The following APBB2 variants were observed in gnomAD, a reference collection of about 807,000 sequenced individuals.
The protein encoded by APBB2 is amyloid beta precursor protein binding family B member 2, also known as Fe65-like 1.
A neutral mutation model predicts 82.5 loss-of-function variants in APBB2; 38 were observed. The observed-to-expected ratio is 0.46, with a 90% CI of 0.36 to 0.60. The LOEUF (loss-of-function observed/expected upper bound fraction) is 0.60, where lower values mean the gene tolerates loss of function less well. Ranked by LOEUF, APBB2 falls within the 20% of genes least tolerant of loss-of-function variation. The pLI, the probability that APBB2 is intolerant of heterozygous loss-of-function variation, is 0.00. For synonymous variants in APBB2, 341 were observed against 368.2 expected (o/e 0.93, Z 0.85); for missense variants, 772 against 972.3 (o/e 0.79, Z 2.74).
chr4:41,144,023 A>T (rs1412856852), intron 1 of APBB2, among the ~76,000 whole-genome samples: 1 of 152,226 alleles, frequency 6.6e-6, no homozygotes, highest in Admixed American at 6.5e-5. Flanking sequence ...CAGAAAACTC[A>T]ATGAGGGAAT....
chr4:41,001,878 A>T (rs1449164053), intron 6 of APBB2, among the ~76,000 whole-genome samples: 1 of 121,794 alleles, frequency 8.2e-6, no homozygotes, highest in Non-Finnish European at 1.5e-5. Flanking sequence ...ACTCCGCCTC[A>T]AAAAAAAAAA....
intron 4 of APBB2, among the ~76,000 whole-genome samples, chr4:41,034,964 TACAAAAACA>T (rs1718575449): frequency 6.6e-6 from 1 of 152,194 alleles, no homozygotes; most frequent in African/African-American, 2.4e-5. Context: ...TTATATGAAT[TACAAAAACA>T]GGAAAAACAG....
intron 4 of APBB2, among the ~76,000 whole-genome samples, chr4:41,036,410 A>C (rs1719188640): frequency 6.6e-6 from 1 of 152,210 alleles, no homozygotes. Context: ...CATTCTGCTA[A>C]TGACTTTATA....
intron 3 of APBB2, among the ~76,000 whole-genome samples, chr4:41,079,028 G>A (rs574754432): frequency 5.9e-5 from 9 of 152,314 alleles, no homozygotes; most frequent in African/African-American, 1.9e-4. Flanking sequence ...AAATTACCAT[G>A]GGTGAGGGCA....
At chr4:40,903,888 T>C (rs569688267) in intron 10 of APBB2, among the ~76,000 whole-genome samples, 18 of 152,378 alleles carry the variant, frequency 1.2e-4, no homozygotes, top group African/African-American at 4.3e-4. Flanking sequence ...ATTCCTGCTA[T>C]ATGTGACTAT....
chr4:40,981,943 T>G (rs1158166562), intron 6 of APBB2, among the ~76,000 whole-genome samples: 1 of 151,840 alleles, frequency 6.6e-6, no homozygotes, highest in Non-Finnish European at 1.5e-5. Flanking sequence ...CCCAGCACTT[T>G]GGGAGGCCGA....
At chr4:40,952,319 C>T (rs567775570) in intron 6 of APBB2, among the ~76,000 whole-genome samples, 2 of 152,234 alleles carry the variant, frequency 1.3e-5, no homozygotes, top group African/African-American at 4.8e-5. Flanking sequence ...AGATTCTACC[C>T]CACCTGCCTT....
intron 10 of APBB2, among the ~76,000 whole-genome samples, chr4:40,901,543 G>GCT (rs61490646): frequency 0.038 from 5,852 of 152,004 alleles, 366 homozygotes; most frequent in African/African-American, 0.13. Context: ...ACTGAGTCTC[G>GCT]CTGTCTGCCA....
At chr4:40,906,484 A>AG (rs1560856748) in intron 10 of APBB2, among the ~76,000 whole-genome samples, 10 of 141,650 alleles carry the variant, frequency 7.1e-5, no homozygotes, top group South Asian at 2.3e-4. Flanking sequence ...AAAAAAAAAA[A>AG]AAAAGAAAAG....
chr4:41,163,700 A>G (rs951469941), intron 1 of APBB2, among the ~76,000 whole-genome samples: 1 of 152,202 alleles, frequency 6.6e-6, no homozygotes, highest in Non-Finnish European at 1.5e-5. Flanking sequence ...GGACCAATCC[A>G]CTTTCTTCAA....
chr4:41,119,630 T>C (rs1337317045), intron 2 of APBB2, among the ~76,000 whole-genome samples: 1 of 151,966 alleles, frequency 6.6e-6, no homozygotes, highest in African/African-American at 2.4e-5. Context: ...AGCGTCTGTC[T>C]GTACATTAAC....
intron 10 of APBB2, among the ~76,000 whole-genome samples, chr4:40,897,989 T>C (rs1032397500): frequency 1.3e-5 from 2 of 152,118 alleles, no homozygotes; most frequent in African/African-American, 4.8e-5. Flanking sequence ...CATTCTTCAA[T>C]AGTTCTTAAC....
chr4:40,874,670 A>G (rs1766405174), intron 12 of APBB2, among the ~76,000 whole-genome samples: 2 of 152,306 alleles, frequency 1.3e-5, no homozygotes, highest in African/African-American at 2.4e-5. Context: ...CCGTTAATGA[A>G]GCCAATAATA....
intron 14 of APBB2, 36 bp downstream of exon 14, chr4:40,827,096 G>A: frequency 1.3e-6 from 2 of 1,586,234 alleles, no homozygotes; most frequent in Non-Finnish European, 1.7e-6. Flanking sequence ...AGGAGGGACA[G>A]GGCCATAATG....
chr4:41,067,184 C>T (rs1031426642), intron 3 of APBB2, among the ~76,000 whole-genome samples: 3 of 152,136 alleles, frequency 2.0e-5, no homozygotes, highest in South Asian at 4.2e-4. Context: ...CCAAGGCAGG[C>T]GGATCACCTG....
intron 10 of APBB2, among the ~76,000 whole-genome samples, chr4:40,909,062 G>A (rs1355044018): frequency 6.6e-6 from 1 of 152,190 alleles, no homozygotes; most frequent in Non-Finnish European, 1.5e-5. Context: ...AGCCCAGTGT[G>A]GGGCTGAGGC....
At chr4:41,056,884 T>C (rs1728029728) in intron 4 of APBB2, among the ~76,000 whole-genome samples, 3 of 152,170 alleles carry the variant, frequency 2.0e-5, no homozygotes, top group East Asian at 1.9e-4. Context: ...GACACAAGGA[T>C]AGGATGGCAG....
At chr4:40,921,611 T>C (rs1781276345) in intron 10 of APBB2, among the ~76,000 whole-genome samples, 1 of 152,206 alleles carries the variant, frequency 6.6e-6, no homozygotes, top group African/African-American at 2.4e-5. Context: ...GAGATGAGCC[T>C]GATGTAGCAT....
intron 17 of APBB2, among the ~76,000 whole-genome samples, chr4:40,821,454 G>T (rs1384221672): frequency 1.3e-5 from 2 of 152,160 alleles, no homozygotes; most frequent in Admixed American, 6.5e-5. Flanking sequence ...TGAGTTAACA[G>T]ATATAAATAA....
Sources: allele counts gnomAD v4.1 joint callset (sites outside exome capture counted in the v4.1 genomes callset), GRCh38; gene constraint gnomAD v4.1.1; transcripts MANE v1.5; gene names NCBI Gene and HGNC (gene_info 2026-07-23, HGNC 2026-07-21).